Variants in CNTNAP5 observed in about 807,000 individuals in gnomAD.
CNTNAP5 encodes the protein contactin associated protein family member 5.
In CNTNAP5, 72 loss-of-function variants were observed where a neutral mutation model predicts 150.2. That is an observed-to-expected ratio of 0.48 (90% confidence interval 0.40 to 0.58). CNTNAP5 has a LOEUF of 0.58. Ranked by LOEUF, CNTNAP5 falls within the 20% of genes least tolerant of loss-of-function variation. The pLI, the probability that CNTNAP5 is intolerant of heterozygous loss-of-function variation, is 0.00. For missense variants in CNTNAP5, 1,636 were observed against 1,626.2 expected (o/e 1.01, Z -0.10); for synonymous variants, 672 against 619.8 (o/e 1.08, Z -1.25).
intron 13 of CNTNAP5, among the ~76,000 whole-genome samples, chr2:124,677,769 A>T (rs1678978020): frequency 6.6e-6 from 1 of 151,888 alleles, no homozygotes; most frequent in Admixed American, 6.7e-5. Flanking sequence ...AGCTAGACAC[A>T]GAGTGCTGAT....
intron 1 of CNTNAP5, among the ~76,000 whole-genome samples, chr2:124,176,525 C>A (rs1036882330): frequency 2.0e-5 from 3 of 152,140 alleles, no homozygotes; most frequent in Admixed American, 1.3e-4. Context: ...GAAAGGCATA[C>A]AAATTTACTT....
At chr2:124,369,772 G>C (rs537176485) in intron 3 of CNTNAP5, among the ~76,000 whole-genome samples, 2 of 152,078 alleles carry the variant, frequency 1.3e-5, no homozygotes, top group Non-Finnish European at 2.9e-5. Context: ...ATCTTCATCG[G>C]ACAAATGCAA....
At chr2:124,769,932 A>G (rs1681154325) in intron 16 of CNTNAP5, among the ~76,000 whole-genome samples, 1 of 152,150 alleles carries the variant, frequency 6.6e-6, no homozygotes, top group Non-Finnish European at 1.5e-5. Flanking sequence ...ATGAAAAATG[A>G]GTAGTAAGGT....
At chr2:124,306,778 A>G (rs1422592601) in intron 3 of CNTNAP5, among the ~76,000 whole-genome samples, 1 of 119,602 alleles carries the variant, frequency 8.4e-6, no homozygotes, top group Non-Finnish European at 1.6e-5. Flanking sequence ...CCCAGGCTGG[A>G]GTTCAGTGGC....
intron 1 of CNTNAP5, among the ~76,000 whole-genome samples, chr2:124,215,897 A>G (rs2104732174): frequency 6.6e-6 from 1 of 152,296 alleles, no homozygotes; most frequent in Non-Finnish European, 1.5e-5. Flanking sequence ...GCCTTCTGCA[A>G]AGGTGCCAGA....
At chr2:124,694,967 T>C (rs1679375369) in intron 13 of CNTNAP5, among the ~76,000 whole-genome samples, 1 of 151,874 alleles carries the variant, frequency 6.6e-6, no homozygotes, top group South Asian at 2.1e-4. Context: ...ATAATAGCTT[T>C]AGAATACTAG....
At chr2:124,509,979 A>T (rs1694519582) in intron 8 of CNTNAP5, among the ~76,000 whole-genome samples, 1 of 152,050 alleles carries the variant, frequency 6.6e-6, no homozygotes, top group South Asian at 2.1e-4. Flanking sequence ...AGGCGGGTGG[A>T]TTGCTTGAGG....
At chr2:124,083,180 T>C (rs945030972) in intron 1 of CNTNAP5, among the ~76,000 whole-genome samples, 1 of 152,114 alleles carries the variant, frequency 6.6e-6, no homozygotes, top group Admixed American at 6.5e-5. Context: ...AAACCCCGTC[T>C]CTACTAAAAA....
chr2:124,314,211 C>A (rs1046031930), intron 3 of CNTNAP5, among the ~76,000 whole-genome samples: 8 of 152,178 alleles, frequency 5.3e-5, no homozygotes, highest in Non-Finnish European at 1.5e-5. Context: ...ACTACTTCAT[C>A]TGAATTACTG....
intron 13 of CNTNAP5, among the ~76,000 whole-genome samples, chr2:124,714,401 C>A (rs1679903068): frequency 6.6e-6 from 1 of 152,146 alleles, no homozygotes; most frequent in African/African-American, 2.4e-5. Flanking sequence ...CAGCTAAATA[C>A]AACCTCTTAA....
intron 11 of CNTNAP5, 100 bp downstream of exon 11, chr2:124,563,423 T>G: frequency 1.4e-6 from 1 of 698,884 alleles, no homozygotes; most frequent in Non-Finnish European, 2.5e-6. Flanking sequence ...GCATGTTTTA[T>G]TCACTCATTC....
At position 124,885,807 on chromosome 2, in the gene CNTNAP5, A is replaced by G. The variant is rs563915304; in HGVS notation, c.3436+16045A>G. Among the ~76,000 whole-genome samples, 6 of 152,186 alleles carry G rather than the reference A, an allele frequency of 3.9e-5. No homozygotes were observed. In the East Asian group the frequency reaches 9.7e-4, roughly 25 times the overall value. On this transcript the variant is annotated intron_variant, in intron 21 of 23. Transcript: ENST00000682447. ...ATGTAACAGTACTACATTCCTTTGT[A>G]TGGTTGAATAATATGTTGTATGCAT...
intron 10 of CNTNAP5, among the ~76,000 whole-genome samples, chr2:124,559,751 A>G (rs557122400): frequency 6.6e-5 from 10 of 152,340 alleles, no homozygotes; most frequent in South Asian, 6.2e-4. Flanking sequence ...TGATTAAAGA[A>G]TGTGGAAATT....
intron 12 of CNTNAP5, among the ~76,000 whole-genome samples, chr2:124,633,731 G>A (rs568123007): frequency 8.1e-4 from 123 of 152,302 alleles, no homozygotes; most frequent in African/African-American, 2.8e-3. Flanking sequence ...CCTGGAGCAG[G>A]TTTTTGCCTG....
At chr2:124,373,019 G>A (rs569442039) in intron 3 of CNTNAP5, among the ~76,000 whole-genome samples, 1 of 152,066 alleles carries the variant, frequency 6.6e-6, no homozygotes, top group Non-Finnish European at 1.5e-5. Flanking sequence ...ATCCTTGAGG[G>A]AATAGACTAC....
At chr2:124,718,221 A>G (rs556625141) in intron 13 of CNTNAP5, among the ~76,000 whole-genome samples, 1 of 152,346 alleles carries the variant, frequency 6.6e-6, no homozygotes, top group South Asian at 2.1e-4. Context: ...AAATACAAAG[A>G]TAAAGTATTA....
chr2:124,748,022 T>C (rs1216889032), intron 14 of CNTNAP5, among the ~76,000 whole-genome samples: 1 of 151,892 alleles, frequency 6.6e-6, no homozygotes, highest in Non-Finnish European at 1.5e-5. Flanking sequence ...TCAGGGTATT[T>C]ATGATATGTG....
intron 10 of CNTNAP5, among the ~76,000 whole-genome samples, chr2:124,557,381 C>T (rs1695782699): frequency 1.3e-5 from 2 of 151,970 alleles, no homozygotes; most frequent in South Asian, 4.1e-4. Flanking sequence ...TCCTACTGAG[C>T]TCTGATTGTG....
intron 19 of CNTNAP5, among the ~76,000 whole-genome samples, chr2:124,862,155 C>T (rs1182584356): frequency 2.0e-5 from 3 of 152,172 alleles, no homozygotes; most frequent in Non-Finnish European, 2.9e-5. Flanking sequence ...AGCTAAGGCT[C>T]AAATCTCTTT....
Sources: gnomAD v4.1 joint callset for allele counts (sites outside exome capture counted in the v4.1 genomes callset) on GRCh38, gnomAD v4.1.1 for gene constraint, MANE v1.5 for transcripts, NCBI Gene and HGNC (gene_info 2026-07-23, HGNC 2026-07-21) for gene names.